Variants in PEX14 observed in about 807,000 individuals in gnomAD.
PEX14 encodes peroxisomal biogenesis factor 14.
PEX14 carries 15 observed loss-of-function variants against 49.5 expected under a neutral mutation model. The observed-to-expected ratio is 0.30, with a 90% CI of 0.20 to 0.47. PEX14 has a LOEUF of 0.47. PEX14 is among the 20% of genes least tolerant of loss of function. PEX14 has a pLI of 1.00. For synonymous variants in PEX14, 210 were observed against 212.7 expected, an observed-to-expected ratio of 0.99 and a Z score of 0.11; for missense variants, 398 against 494.8, an observed-to-expected ratio of 0.80 and a Z score of 1.86.
At chr1:10,517,643 TC>T (rs1290383332) in intron 2 of PEX14, among the ~76,000 whole-genome samples, 1 of 150,206 alleles carries the variant, frequency 6.7e-6, no homozygotes, top group African/African-American at 2.5e-5. Context: ...ATTCTTTCTT[TC>T]CATTTTGTTC....
intron 1 of PEX14, among the ~76,000 whole-genome samples, chr1:10,489,142 G>A (rs1478009409): frequency 1.3e-5 from 2 of 151,930 alleles, no homozygotes; most frequent in East Asian, 1.9e-4. Context: ...CACCACACCC[G>A]GCTAATTTTT....
chr1:10,500,140 C>G lies in PEX14; in HGVS notation c.84+4819C>G, dbSNP rs531262112. 2.1e-3 allele frequency among the ~76,000 whole-genome samples: 246 copies of G among 119,706 alleles called. 2 individuals are homozygous for G. Among genetic ancestry groups the G allele is most frequent in the African/African-American group, 6.3e-3 (238 of 37,670 alleles). The allele number at this position is 119,706 out of a possible 152,430, so 78.5% of individuals were successfully genotyped here. ...AAGAATAGGCAAGGCACGGTGCTCA[C>G]GCCTGTAATCCCAGCACTGTGGGAG... On this transcript the variant is annotated intron_variant, in intron 2 of 8. Transcript: ENST00000356607.
rs1018010373 is a variant in PEX14, at chr1:10,535,776, C to T, written c.85-437C>T. ...ATAAAAGGGCTGTGCTGATAGAGAA[C>T]GTGTGTGTGTGTGTGTGCGTGTGTA... is the stretch of plus-strand genomic sequence containing the variant. On this transcript the variant is annotated intron_variant, in intron 2 of 8. Coordinates refer to ENST00000356607, the MANE Select transcript of PEX14 (RefSeq NM_004565.3). 1.1e-5 allele frequency: 3 copies of T among 276,582 alleles called. No individual in the cohort carries two copies. In the East Asian group the frequency reaches 2.8e-4, roughly 26 times the overall value. 17.1% of individuals were successfully genotyped at this position (276,582 alleles called of 1,614,324 possible).
Position 10,544,368 on chromosome 1 carries a change from A to G in PEX14, c.169+8071A>G, listed in dbSNP as rs144500348. 3.0e-3 allele frequency among the ~76,000 whole-genome samples: 452 copies of G among 152,322 alleles called. 2 individuals carry two copies. Among genetic ancestry groups the G allele is most frequent in the African/African-American group, 1.0e-2 (415 of 41,570 alleles). On this transcript the variant is annotated intron_variant, in intron 3 of 8. Coordinates refer to ENST00000356607, the MANE Select transcript of PEX14 (RefSeq NM_004565.3). ...GAACTAGAATCTATGTCTTCTGACCAAGATTCTTTGAACTATACCACGTAC... is the reference window on the plus strand; with the variant it reads ...GAACTAGAATCTATGTCTTCTGACCGAGATTCTTTGAACTATACCACGTAC...
intron 2 of PEX14, among the ~76,000 whole-genome samples, chr1:10,500,373 CAAAAAAAA>C (rs750781683): frequency 2.1e-4 from 9 of 43,676 alleles, no homozygotes; most frequent in African/African-American, 6.4e-4. Flanking sequence ...GATTCTGTCT[CAAAAAAAA>C]AAAAAAAAAA....
At chr1:10,481,060 TA>T (rs570930041) in intron 1 of PEX14, among the ~76,000 whole-genome samples, 5 of 150,812 alleles carry the variant, frequency 3.3e-5, no homozygotes, top group East Asian at 3.9e-4. Flanking sequence ...TTTTCACACT[TA>T]AAAAAAATCA....
At chr1:10,480,377 G>A (rs1481947232) in intron 1 of PEX14, among the ~76,000 whole-genome samples, 1 of 136,918 alleles carries the variant, frequency 7.3e-6, no homozygotes, top group East Asian at 2.2e-4. Context: ...GTGCCACTAC[G>A]CCTGGCTAAC....
At chr1:10,599,725 A>G (rs1450169499) in intron 4 of PEX14, among the ~76,000 whole-genome samples, 1 of 152,218 alleles carries the variant, frequency 6.6e-6, no homozygotes, top group Non-Finnish European at 1.5e-5. Flanking sequence ...CATCTGACTC[A>G]TGGGTGCATT....
intron 6 of PEX14, 25 bp from the exon 7 acceptor site, chr1:10,624,315 C>A: frequency 1.3e-6 from 2 of 1,498,228 alleles, no homozygotes; most frequent in East Asian, 2.3e-5. Flanking sequence ...AATTTGCCAG[C>A]GCCGTGACTG....
intron 1 of PEX14, among the ~76,000 whole-genome samples, chr1:10,476,094 T>G (rs1193244489): frequency 1.3e-5 from 2 of 152,210 alleles, no homozygotes; most frequent in East Asian, 3.8e-4. Flanking sequence ...CCCATCTCCT[T>G]GAAGCACCTC....
chr1:10,608,747 AAAAAAC>A, intron 4 of PEX14, among the ~76,000 whole-genome samples: 1 of 152,076 alleles, frequency 6.6e-6, no homozygotes, highest in Non-Finnish European at 1.5e-5. Context: ...AAAATAAAAA[AAAAAAC>A]AAAGCTATCG....
chr1:10,576,388 A>G (rs899926724), intron 3 of PEX14, among the ~76,000 whole-genome samples: 2 of 152,190 alleles, frequency 1.3e-5, no homozygotes, highest in African/African-American at 2.4e-5. Flanking sequence ...CCTACGAGGT[A>G]TGTATTTTTT....
intron 3 of PEX14, among the ~76,000 whole-genome samples, chr1:10,557,541 G>A (rs1002679003): frequency 3.3e-5 from 5 of 152,194 alleles, no homozygotes; most frequent in Admixed American, 3.3e-4. Context: ...ACCTGAGATC[G>A]TGCCACTGCA....
intron 2 of PEX14, among the ~76,000 whole-genome samples, chr1:10,533,812 C>A (rs887079286): frequency 2.0e-5 from 3 of 152,102 alleles, no homozygotes; most frequent in African/African-American, 7.2e-5. Context: ...TCCGATGGAT[C>A]CGTTTTGCCT....
intron 1 of PEX14, among the ~76,000 whole-genome samples, chr1:10,492,754 C>T (rs1237421246): frequency 6.6e-6 from 1 of 152,198 alleles, no homozygotes; most frequent in African/African-American, 2.4e-5. Context: ...CTATTGAAGG[C>T]CTCCTCTGTG....
Position 10,495,655 on chromosome 1 carries a change from G to A in PEX14, c.84+334G>A, listed in dbSNP as rs181434770. 2.0e-5 allele frequency among the ~76,000 whole-genome samples: 3 copies of A among 152,304 alleles called. No individual in the cohort carries two copies. The East Asian group carries it at 5.8e-4, about 29-fold the overall frequency. ...AGTGAGGTGGCTGGGCTTCTAGATT[G>A]TTTGAAGTAGCCGCCCTCTGCTCTG... On this transcript the variant is annotated intron_variant, in intron 2 of 8. Transcript: ENST00000356607. The surrounding 1 kb of genome is among the most constrained non-coding windows in gnomAD (Gnocchi z 4.2).
chr1:10,517,828 G>C (rs1363483495), intron 2 of PEX14, among the ~76,000 whole-genome samples: 4 of 151,892 alleles, frequency 2.6e-5, no homozygotes, highest in African/African-American at 9.7e-5. Context: ...TTGGGCCTTA[G>C]GGATTCAGTA....
At chr1:10,559,611 G>A (rs1639590565) in intron 3 of PEX14, among the ~76,000 whole-genome samples, 1 of 152,094 alleles carries the variant, frequency 6.6e-6, no homozygotes, top group African/African-American at 2.4e-5. Flanking sequence ...CACCACGGCA[G>A]CCTCCCCCCA....
chr1:10,619,777 T>C (rs1641537845), intron 5 of PEX14, among the ~76,000 whole-genome samples: 1 of 152,208 alleles, frequency 6.6e-6, no homozygotes, highest in Non-Finnish European at 1.5e-5. Flanking sequence ...AAGTGTAGCA[T>C]GTATTCCTGG....
Sources: allele counts gnomAD v4.1 joint callset (sites outside exome capture counted in the v4.1 genomes callset), GRCh38; gene constraint gnomAD v4.1.1; non-coding constraint Gnocchi (gnomAD v3.1); transcripts MANE v1.5; gene names NCBI Gene and HGNC (gene_info 2026-07-23, HGNC 2026-07-21).